NAALADL2: variants seen among roughly 807,000 people sequenced by gnomAD.
NAALADL2 encodes inactive N-acetylated-alpha-linked acidic dipeptidase-like protein 2.
Under a neutral mutation model 87.2 loss-of-function variants are expected in NAALADL2, and 76 were observed. That is an observed-to-expected ratio of 0.87 (90% CI 0.72 to 1.05). The LOEUF is 1.05. Ranked by LOEUF, NAALADL2 falls within the 50% of genes least tolerant of loss-of-function variation. The pLI, the probability that NAALADL2 is intolerant of heterozygous loss-of-function variation, is 0.00. For synonymous variants in NAALADL2, 354 were observed against 331.0 expected, an observed-to-expected ratio of 1.07 and a Z score of -0.75; for missense variants, 1,089 against 945.8, an observed-to-expected ratio of 1.15 and a Z score of -1.99.
At chr3:174,674,253 C>T (rs1180522157) in intron 2 of NAALADL2, among the ~76,000 whole-genome samples, 3 of 151,928 alleles carry the variant, frequency 2.0e-5, no homozygotes, top group Admixed American at 2.0e-4. Flanking sequence ...AGCATTAAGC[C>T]AGTCATGAGG....
chr3:175,164,307 A>G (rs935875653), intron 2 of NAALADL2, among the ~76,000 whole-genome samples: 5 of 151,882 alleles, frequency 3.3e-5, no homozygotes, highest in Admixed American at 2.0e-4. Flanking sequence ...TAATAAATGC[A>G]TAATATATTA....
At chr3:174,890,202 T>C (rs1730702656) in intron 1 of NAALADL2, among the ~76,000 whole-genome samples, 3 of 152,172 alleles carry the variant, frequency 2.0e-5, no homozygotes, top group African/African-American at 7.2e-5. Flanking sequence ...ATTTCTGCAT[T>C]TGACATTATT....
At chr3:175,141,508 A>G (rs948166061) in intron 2 of NAALADL2, among the ~76,000 whole-genome samples, 2 of 152,138 alleles carry the variant, frequency 1.3e-5, no homozygotes, top group African/African-American at 4.8e-5. Context: ...ATGAACTATA[A>G]GTAAAGGCAT....
chr3:174,564,160 G>T (rs915603094), intron 2 of NAALADL2, among the ~76,000 whole-genome samples: 1 of 152,080 alleles, frequency 6.6e-6, no homozygotes, highest in Non-Finnish European at 1.5e-5. Context: ...AGTAGCCGGG[G>T]GGCTAGTTGG....
intron 2 of NAALADL2, among the ~76,000 whole-genome samples, chr3:174,714,673 C>T (rs1396056360): frequency 1.3e-5 from 2 of 152,144 alleles, no homozygotes; most frequent in Non-Finnish European, 2.9e-5. Flanking sequence ...GCTGAAGTTG[C>T]TTATCAGCTT....
At chr3:174,621,988 A>C (rs1009625657) in intron 2 of NAALADL2, among the ~76,000 whole-genome samples, 1 of 152,192 alleles carries the variant, frequency 6.6e-6, no homozygotes, top group Admixed American at 6.5e-5. Context: ...TCCTGGTTTA[A>C]GCTCTAGCCA....
intron 2 of NAALADL2, among the ~76,000 whole-genome samples, chr3:174,580,356 A>G (rs1262366380): frequency 6.6e-6 from 1 of 152,110 alleles, no homozygotes; most frequent in Non-Finnish European, 1.5e-5. Context: ...CGTATGGCTA[A>G]GTTTAATAAT....
chr3:175,447,373 G>T lies in NAALADL2; in HGVS notation c.1234+1G>T, dbSNP rs1443751310. 6.4e-7 allele frequency: 1 copy of T among 1,551,002 alleles called. No individual in the cohort carries two copies. On this transcript the variant is annotated splice_donor_variant, in intron 6 of 13. Coordinates refer to ENST00000454872, the MANE Select transcript of NAALADL2 (RefSeq NM_207015.3). LOFTEE classifies it high-confidence loss of function. Reference sequence around the variant, plus strand: ...AGCTCTCTAGAGCTTCCAAATAATGGTAAAGTATTTAATGTCGTTCTCTGT... The same window carrying T: ...AGCTCTCTAGAGCTTCCAAATAATGTTAAAGTATTTAATGTCGTTCTCTGT...
intron 5 of NAALADL2, among the ~76,000 whole-genome samples, chr3:175,380,261 C>T (rs1435543856): frequency 1.3e-5 from 2 of 151,982 alleles, no homozygotes; most frequent in African/African-American, 2.4e-5. Context: ...CCTTTTCTTC[C>T]TCCACCATCA....
chr3:175,264,069 G>A (rs1485836986), intron 4 of NAALADL2, among the ~76,000 whole-genome samples: 1 of 151,574 alleles, frequency 6.6e-6, no homozygotes, highest in East Asian at 1.9e-4. Flanking sequence ...CCAATCTTCT[G>A]TACTGCTATC....
chr3:174,947,083 G>A (rs540786414), intron 1 of NAALADL2, among the ~76,000 whole-genome samples: 2 of 152,174 alleles, frequency 1.3e-5, no homozygotes, highest in African/African-American at 2.4e-5. Context: ...GCTTAATTGC[G>A]TTGTGCTCAG....
chr3:175,598,038 T>A (rs1240496748), intron 10 of NAALADL2, among the ~76,000 whole-genome samples: 4 of 152,052 alleles, frequency 2.6e-5, no homozygotes, highest in Non-Finnish European at 5.9e-5. Flanking sequence ...TACGTTGTAT[T>A]ATGTATCTTC....
intron 2 of NAALADL2, among the ~76,000 whole-genome samples, chr3:174,628,464 G>C (rs1377240431): frequency 9.2e-6 from 1 of 109,268 alleles, no homozygotes; most frequent in African/African-American, 3.8e-5. Flanking sequence ...GTGACAGTGC[G>C]AGACTGTCTC....
At chr3:175,252,271 A>T (rs906997225) in intron 3 of NAALADL2, among the ~76,000 whole-genome samples, 5 of 152,058 alleles carry the variant, frequency 3.3e-5, no homozygotes, top group Non-Finnish European at 5.9e-5. Flanking sequence ...TCACATCTCT[A>T]TGTCACTTTT....
At chr3:174,854,426 C>T (rs537803613), upstream of NAALADL2, among the ~76,000 whole-genome samples, 341 of 152,068 alleles carry the variant, frequency 2.2e-3, 1 homozygote, top group African/African-American at 7.8e-3. Context: ...TTAATGGGTA[C>T]AAAACTACAG....
chr3:174,471,277 C>T (rs572965981), intron 1 of NAALADL2, among the ~76,000 whole-genome samples: 1 of 151,712 alleles, frequency 6.6e-6, no homozygotes, highest in East Asian at 1.9e-4. Flanking sequence ...TAAAATTACT[C>T]TGTCTTCTAA....
At position 174,779,415 on chromosome 3, in the gene NAALADL2, T is replaced by G. The variant is rs535761220; in HGVS notation, c.-9+41669T>G. 2.0e-5 allele frequency among the ~76,000 whole-genome samples: 3 copies of G among 152,332 alleles called. No homozygotes were observed. The South Asian group carries it at 6.2e-4, about 32-fold the overall frequency. On this transcript the variant is annotated intron_variant, in intron 3 of 3. Transcript: ENST00000434257. ...ATAGATTGCAAAAATGTTCTCCCAT[T>G]CTGTAGATTGCCTATTCACTCTGAT...
At chr3:174,864,065 GA>G (rs1292392450) in intron 1 of NAALADL2, 3 of 455,474 alleles carry the variant, frequency 6.6e-6, no homozygotes, top group South Asian at 4.7e-5. Context: ...GAAAGTTGCT[GA>G]AAATGTCAAG....
At chr3:175,336,786 T>C (rs913777960) in intron 5 of NAALADL2, among the ~76,000 whole-genome samples, 1 of 152,216 alleles carries the variant, frequency 6.6e-6, no homozygotes, top group Admixed American at 6.5e-5. Flanking sequence ...TTGCTAACCA[T>C]GTTCAAAAGT....
Sources: allele counts gnomAD v4.1 joint callset (sites outside exome capture counted in the v4.1 genomes callset), GRCh38; gene constraint gnomAD v4.1.1; transcripts MANE v1.5; gene names NCBI Gene and HGNC (gene_info 2026-07-23, HGNC 2026-07-21).